INTS14: variants seen among roughly 807,000 people sequenced by gnomAD.
INTS14 encodes UPF0464 protein C15orf44.
Under a neutral mutation model 56.9 loss-of-function variants are expected in INTS14, and 27 were observed. That is an observed-to-expected ratio of 0.47 (90% confidence interval 0.35 to 0.65). The LOEUF is 0.65. INTS14 is among the 30% of genes least tolerant of loss of function. The pLI is 0.00. For synonymous variants in INTS14, 207 were observed against 236.2 expected (o/e 0.88, Z 1.13); for missense variants, 517 against 632.2 (o/e 0.82, Z 1.95).
intron 7 of INTS14, among the ~76,000 whole-genome samples, chr15:65,594,836 GAAT>G (rs2073157595): frequency 1.3e-5 from 2 of 152,116 alleles, no homozygotes; most frequent in Non-Finnish European, 2.9e-5. Flanking sequence ...TGTTCTCTGA[GAAT>G]AATAATTACC....
intron 11 of INTS14, 50 bp downstream of exon 11, chr15:65,581,904 T>G (rs763989496): frequency 8.2e-6 from 13 of 1,576,960 alleles, no homozygotes; most frequent in Non-Finnish European, 1.1e-5. Flanking sequence ...CTCACAGTTT[T>G]ACTGTCGTGA....
chr15:65,601,769 C>G (rs2073442600), intron 3 of INTS14, among the ~76,000 whole-genome samples: 2 of 152,220 alleles, frequency 1.3e-5, no homozygotes, highest in African/African-American at 2.4e-5. Context: ...CAATTGACTA[C>G]AAGGCAATTT....
intron 2 of INTS14, among the ~76,000 whole-genome samples, chr15:65,606,313 C>G (rs912514099): frequency 2.0e-5 from 3 of 149,596 alleles, no homozygotes; most frequent in Admixed American, 2.0e-4. Flanking sequence ...AATTTTGTTA[C>G]TTACATTAAA....
At chr15:65,593,803 T>C (rs2073116008) in intron 7 of INTS14, among the ~76,000 whole-genome samples, 3 of 151,852 alleles carry the variant, frequency 2.0e-5, no homozygotes, top group Non-Finnish European at 4.4e-5. Context: ...CAAATCTATA[T>C]ATACAGAAAG....
chr15:65,580,443 A>G (rs902977610), intron 11 of INTS14, among the ~76,000 whole-genome samples: 2 of 152,178 alleles, frequency 1.3e-5, no homozygotes, highest in African/African-American at 4.8e-5. Flanking sequence ...ATCATGAGTA[A>G]ATAGCTGATG....
chr15:65,585,674 T>A (rs1004600227), intron 9 of INTS14, among the ~76,000 whole-genome samples: 1 of 152,236 alleles, frequency 6.6e-6, no homozygotes, highest in Non-Finnish European at 1.5e-5. Context: ...ATGGTGTATT[T>A]GATCTTTATT....
chr15:65,585,876 T>C (rs2072800901), intron 9 of INTS14, among the ~76,000 whole-genome samples: 1 of 152,234 alleles, frequency 6.6e-6, no homozygotes, highest in South Asian at 2.1e-4. Context: ...ACTTCCTTTG[T>C]CAACCCTCTT....
At chr15:65,586,311 G>C (rs2072822181) in intron 9 of INTS14, 1 of 152,230 alleles carries the variant, frequency 6.6e-6, no homozygotes, top group Non-Finnish European at 1.5e-5. Context: ...AGGAAACTAA[G>C]GCACAGAGAG....
chr15:65,591,854 CT>C, intron 8 of INTS14, 123 bp from the exon 9 acceptor site: 2 of 1,138,784 alleles, frequency 1.8e-6, no homozygotes, highest in Non-Finnish European at 2.4e-6. Context: ...AGGCACACTA[CT>C]TTTACCAAAG....
chr15:65,591,467 T>A (rs2073026127), intron 9 of INTS14, 131 bp downstream of exon 9: 2 of 1,233,732 alleles, frequency 1.6e-6, no homozygotes, highest in Non-Finnish European at 2.2e-6. Flanking sequence ...ACCGTACACA[T>A]CCAGCATCAT....
chr15:65,595,558 T>C (rs1408460954), intron 7 of INTS14, among the ~76,000 whole-genome samples, 175 bp downstream of exon 7: 1 of 152,252 alleles, frequency 6.6e-6, no homozygotes, highest in African/African-American at 2.4e-5. Context: ...GTTTCTACCA[T>C]GTAAAGCAGA....
intron 9 of INTS14, among the ~76,000 whole-genome samples, chr15:65,587,900 C>T (rs1010816599): frequency 6.6e-6 from 1 of 151,976 alleles, no homozygotes. Flanking sequence ...GAGGATCACC[C>T]GAGAGGTCAA....
At chr15:65,588,277 A>G (rs2072899459) in intron 9 of INTS14, among the ~76,000 whole-genome samples, 1 of 152,186 alleles carries the variant, frequency 6.6e-6, no homozygotes, top group South Asian at 2.1e-4. Flanking sequence ...CAACAGAGCA[A>G]GACTCCATCT....
chr15:65,610,211 T>G (rs1305507322), intron 1 of INTS14, among the ~76,000 whole-genome samples: 1 of 152,026 alleles, frequency 6.6e-6, no homozygotes, highest in East Asian at 1.9e-4. Flanking sequence ...AATACAAAAA[T>G]TAGCCAGATG....
At chr15:65,603,849 G>C (rs1434052897) in intron 3 of INTS14, among the ~76,000 whole-genome samples, 1 of 152,170 alleles carries the variant, frequency 6.6e-6, no homozygotes, top group East Asian at 1.9e-4. Flanking sequence ...GCAGAGCTGA[G>C]TAGTTGCCAC....
chr15:65,602,131 T>G (rs1389277424), intron 3 of INTS14, among the ~76,000 whole-genome samples: 1 of 151,942 alleles, frequency 6.6e-6, no homozygotes, highest in Non-Finnish European at 1.5e-5. Context: ...CAGCTACTCA[T>G]CAGGTGGCTG....
rs370268249 is a variant in INTS14, at chr15:65,598,936, C to T, written c.541G>A (p.Gly181Ser). ...TCAATAGTAAAAATCTGCCCTTCAC[C>T]ATTGTTTAAATCTATGAGACGTTCA... ...CLERLIDLNN[G>S]EGQIFTIDGP... is the part of the protein sequence containing the mutation. The change falls in exon 5 of 12, where the codon GGT becomes AGT. Residue 181 changes from glycine (G) to serine (S), a missense_variant. Physicochemically the swap from Gly to Ser is moderately conservative, Grantham distance 56. Coordinates refer to ENST00000313182, the MANE Select transcript of INTS14 (RefSeq NM_001394796.1). The T allele has an allele frequency of 7.4e-6, 12 of 1,613,994 alleles. No homozygotes were observed. Among genetic ancestry groups the T allele is most frequent in the Non-Finnish European group, 9.3e-6 (11 of 1,179,956 alleles).
Position 65,598,904 on chromosome 15 carries a change from G to C in INTS14, c.573C>G (p.Pro191=), listed in dbSNP as rs1486547709. The C allele has an allele frequency of 6.2e-7, 1 of 1,613,682 alleles. No homozygotes were observed. Among genetic ancestry groups the C allele is most frequent in the Non-Finnish European group, 8.5e-7 (1 of 1,179,868 alleles). Residue 191 remains proline, a synonymous_variant, in exon 5 of 12, where the codon CCC becomes CCG. Coordinates refer to ENST00000313182, the MANE Select transcript of INTS14 (RefSeq NM_001394796.1). ...GEGQIFTIDG[P]LCLKNVQSMF... ...TAGACTGTACATTCTTCAAGCACAG[G>C]GGGCCATCAATAGTAAAAATCTGCC...
At chr15:65,607,915 A>G (rs1225151603) in intron 1 of INTS14, among the ~76,000 whole-genome samples, 1 of 152,218 alleles carries the variant, frequency 6.6e-6, no homozygotes, top group Admixed American at 6.5e-5. Context: ...TTTTAGTAAA[A>G]TGAATGCCAA....
Sources: allele counts gnomAD v4.1 joint callset (sites outside exome capture counted in the v4.1 genomes callset), GRCh38; gene constraint gnomAD v4.1.1; transcripts MANE v1.5; gene names NCBI Gene and HGNC (gene_info 2026-07-23, HGNC 2026-07-21).